Variants in AP3D1 observed in about 807,000 individuals in gnomAD.
The protein encoded by AP3D1 is AP-3 complex subunit delta-1.
Under a neutral mutation model 147.6 loss-of-function variants are expected in AP3D1, and 51 were observed. The ratio of observed to expected loss-of-function variants is 0.35; its 90% CI spans 0.28 to 0.44. The LOEUF is 0.44. AP3D1 is among the 20% of genes least tolerant of loss of function. The pLI, the probability that AP3D1 is intolerant of heterozygous loss-of-function variation, is 1.00. For synonymous variants in AP3D1, 760 were observed against 663.0 expected, an observed-to-expected ratio of 1.15 and a Z score of -2.25; for missense variants, 1,421 against 1,624.2, an observed-to-expected ratio of 0.87 and a Z score of 2.15.
In AP3D1 at chr19:2,136,993, C is replaced by G. The variant is rs117019553; in HGVS notation, c.354+18G>C. On this transcript the variant is annotated intron_variant, in intron 4 of 31. Coordinates refer to ENST00000643116, the MANE Select transcript of AP3D1 (RefSeq NM_001261826.3). Reference sequence around the variant, plus strand: ...GACTGCACTCAGCACAGAGCGGCCCCGGCCCGGGAACACCCACCTTACGGA... The same window carrying G: ...GACTGCACTCAGCACAGAGCGGCCCGGGCCCGGGAACACCCACCTTACGGA... 21 of 1,570,994 alleles carry G rather than the reference C, an allele frequency of 1.3e-5. No individual in the cohort carries two copies. In the South Asian group the frequency reaches 1.9e-4, roughly 14 times the overall value.
intron 4 of AP3D1, among the ~76,000 whole-genome samples, chr19:2,135,969 G>A (rs887015593): frequency 6.6e-5 from 10 of 150,900 alleles, no homozygotes; most frequent in South Asian, 2.1e-4. Flanking sequence ...CCTGCTACAC[G>A]GCCACGACCC....
chr19:2,153,674 CAAAA>C (rs1168914817), upstream of AP3D1, among the ~76,000 whole-genome samples: 1 of 76,642 alleles, frequency 1.3e-5, no homozygotes, highest in Non-Finnish European at 2.8e-5. Flanking sequence ...GATTCCGTCT[CAAAA>C]AAAAAAAAAA....
intron 2 of AP3D1, 39 bp from the exon 3 acceptor site, chr19:2,137,846 A>G (rs2019118033): frequency 1.3e-6 from 2 of 1,598,650 alleles, no homozygotes; most frequent in Admixed American, 1.7e-5. Flanking sequence ...TCACAAGCCA[A>G]AGCAGAGAGA....
intron 8 of AP3D1, among the ~76,000 whole-genome samples, chr19:2,127,582 T>G (rs941512061): frequency 6.6e-6 from 1 of 152,228 alleles, no homozygotes; most frequent in Non-Finnish European, 1.5e-5. Context: ...CGGAGTGCAA[T>G]GGCGCGGCCT....
At chr19:2,105,604 T>C (rs2018088837) in intron 31 of AP3D1, among the ~76,000 whole-genome samples, 4 of 151,316 alleles carry the variant, frequency 2.6e-5, no homozygotes, top group Non-Finnish European at 5.9e-5. Flanking sequence ...TAAATCTCTG[T>C]TCGGGGCTCT....
chr19:2,144,709 C>T (rs2019312003), intron 1 of AP3D1, among the ~76,000 whole-genome samples: 1 of 152,124 alleles, frequency 6.6e-6, no homozygotes, highest in Non-Finnish European at 1.5e-5. Context: ...TTGAGACCAG[C>T]TTGGTCAACA....
chr19:2,111,362 G>C (rs1402384976), intron 25 of AP3D1, 30 bp from the exon 26 acceptor site: 1 of 1,613,548 alleles, frequency 6.2e-7, no homozygotes, highest in East Asian at 2.2e-5. Context: ...ATCAGCCTTG[G>C]GGGCCCCGAG....
intron 31 of AP3D1, among the ~76,000 whole-genome samples, chr19:2,103,676 C>T (rs967729350): frequency 1.3e-5 from 2 of 152,152 alleles, no homozygotes; most frequent in African/African-American, 4.8e-5. Flanking sequence ...GTGCTTGGGG[C>T]CACAGTCCCC....
chr19:2,113,369 G>C lies in AP3D1; in HGVS notation c.2646C>G (p.Ala882=). ...GAACGGGGGCGGGGGCGGGGGCGGG[G>C]GCAGGCGGTGGGGTGGTAGACAGCC... is the stretch of plus-strand genomic sequence containing the variant. ...DFWLSTTPPP[A]PAPAPAPVPS... The change falls in exon 23 of 32, where the codon GCC becomes GCG. Residue 882 remains alanine (A), a synonymous_variant. Coordinates refer to ENST00000643116, the MANE Select transcript of AP3D1 (RefSeq NM_001261826.3). 1 of 1,230,154 alleles carries C rather than the reference G, an allele frequency of 8.1e-7. No homozygotes were observed. The highest frequency in any genetic ancestry group is 1.1e-6 in the Non-Finnish European group (1 of 907,754). The allele number at this position is 1,230,154 out of a possible 1,614,324, so 76.2% of individuals were successfully genotyped here.
In AP3D1 at chr19:2,135,864, C is replaced by T. The variant is rs376424668; in HGVS notation, c.354+1147G>A. On this transcript the variant is annotated intron_variant, in intron 4 of 31. Transcript: ENST00000643116. ...GCAGCTGCCACCTGGGTACCTAGGGCGGCTGGAGCCCTCCACCCTCCTCCC... is the reference window on the plus strand; with the variant it reads ...GCAGCTGCCACCTGGGTACCTAGGGTGGCTGGAGCCCTCCACCCTCCTCCC... Among the ~76,000 whole-genome samples the T allele has an allele frequency of 3.9e-5, 6 of 152,196 alleles. No individual in the cohort carries two copies. In the East Asian group the frequency reaches 7.7e-4, roughly 20 times the overall value.
chr19:2,124,005 C>T (rs912701862), intron 9 of AP3D1, 126 bp from the exon 10 acceptor site: 1 of 1,107,642 alleles, frequency 9.0e-7, no homozygotes, highest in African/African-American at 1.5e-5. Context: ...AGAAATGCCA[C>T]TGAGTTTGGG....
intron 31 of AP3D1, among the ~76,000 whole-genome samples, chr19:2,105,183 C>T (rs1249809389): frequency 1.3e-5 from 2 of 152,210 alleles, no homozygotes; most frequent in Non-Finnish European, 2.9e-5. Context: ...CATCTGAATA[C>T]GGCCTCTGGG....
At chr19:2,156,192 G>T (rs113954525), upstream of AP3D1, among the ~76,000 whole-genome samples, 1 of 152,168 alleles carries the variant, frequency 6.6e-6, no homozygotes, top group Non-Finnish European at 1.5e-5. Context: ...CTCAAAGTAG[G>T]GGCAGCTTCT....
intron 14 of AP3D1, 58 bp downstream of exon 14, chr19:2,120,804 T>A: frequency 6.5e-7 from 1 of 1,530,454 alleles, no homozygotes; most frequent in Non-Finnish European, 8.9e-7. Flanking sequence ...ACATCCCTGG[T>A]CCCTACCCCT....
intron 24 of AP3D1, chr19:2,112,033 G>C: frequency 1.3e-6 from 1 of 765,412 alleles, no homozygotes; most frequent in Non-Finnish European, 2.0e-6. Flanking sequence ...TCTCTGGTTG[G>C]CGGCAAGCGC....
In AP3D1 at chr19:2,121,146, C is replaced by T; in HGVS notation, c.1250+17G>A. On this transcript the variant is annotated intron_variant, in intron 13 of 31. Coordinates refer to ENST00000643116, the MANE Select transcript of AP3D1 (RefSeq NM_001261826.3). ...CGCCACGGAACCCCCGGCCACACCC[C>T]TGGGAGCGGGACGCACCACTCGAAG... is the stretch of plus-strand genomic sequence containing the variant. 6.2e-7 allele frequency: 1 copy of T among 1,614,014 alleles called. No homozygotes were observed. Among genetic ancestry groups the T allele is most frequent in the Non-Finnish European group, 8.5e-7 (1 of 1,179,894 alleles).
At chr19:2,161,196 T>C (rs916479165) in intron 1 of AP3D1, among the ~76,000 whole-genome samples, 5 of 149,002 alleles carry the variant, frequency 3.4e-5, no homozygotes, top group Non-Finnish European at 7.4e-5. Flanking sequence ...AGTCTTGCTC[T>C]TGTTGCTCAG....
chr19:2,151,150 C>CGGCAGGCCG, intron 1 of AP3D1, 89 bp downstream of exon 1: 1 of 1,267,164 alleles, frequency 7.9e-7, no homozygotes. Context: ...CCCGGGCGGG[C>CGGCAGGCCG]GGCAGGCCGA....
At chr19:2,137,859 G>C in intron 2 of AP3D1, 52 bp from the exon 3 acceptor site, 2 of 1,580,148 alleles carry the variant, frequency 1.3e-6, no homozygotes, top group South Asian at 1.1e-5. Context: ...CAGAGAGAAA[G>C]GTTTTGAGCC....
Sources: gnomAD v4.1 joint callset for allele counts (sites outside exome capture counted in the v4.1 genomes callset) on GRCh38, gnomAD v4.1.1 for gene constraint, MANE v1.5 for transcripts, NCBI Gene and HGNC (gene_info 2026-07-23, HGNC 2026-07-21) for gene names.